FILIP1: variants seen among roughly 807,000 people sequenced by gnomAD.
FILIP1 encodes the protein filamin A interacting protein 1, also known as filamin-A-interacting protein 1.
In FILIP1, 61 loss-of-function variants were observed where a neutral mutation model predicts 102.1. The observed-to-expected ratio is 0.60, with a 90% CI of 0.49 to 0.74. The LOEUF (loss-of-function observed/expected upper bound fraction) is 0.74. Ranked by LOEUF, FILIP1 falls within the 30% of genes least tolerant of loss-of-function variation. FILIP1 has a pLI of 0.00. For synonymous variants in FILIP1, 491 were observed against 526.9 expected (o/e 0.93, Z 0.93); for missense variants, 1,314 against 1,441.2 (o/e 0.91, Z 1.43).
At chr6:75,327,549 A>AAT (rs943427181) in intron 4 of FILIP1, among the ~76,000 whole-genome samples, 12 of 142,716 alleles carry the variant, frequency 8.4e-5, no homozygotes, top group East Asian at 4.0e-4. Flanking sequence ...TATATATATG[A>AAT]ATATATATAT....
chr6:75,303,773 AAGAG>A (rs1272381591), downstream of FILIP1, among the ~76,000 whole-genome samples: 4 of 149,476 alleles, frequency 2.7e-5, no homozygotes, highest in East Asian at 2.0e-4. Flanking sequence ...GAGAGAGAGA[AAGAG>A]AGAGAGAGGA....
chr6:75,425,754 C>T (rs993787503), intron 1 of FILIP1, among the ~76,000 whole-genome samples: 6 of 152,246 alleles, frequency 3.9e-5, no homozygotes, highest in African/African-American at 1.4e-4. Context: ...ATGTGCTACC[C>T]ACTGTGTATG....
intron 1 of FILIP1, among the ~76,000 whole-genome samples, chr6:75,486,638 T>G (rs1779796553): frequency 6.6e-6 from 1 of 152,136 alleles, no homozygotes; most frequent in African/African-American, 2.4e-5. Flanking sequence ...TTGCCTGGAT[T>G]TGGATTTTAA....
At chr6:75,341,161 T>G (rs1341310676) in intron 4 of FILIP1, among the ~76,000 whole-genome samples, 2 of 151,818 alleles carry the variant, frequency 1.3e-5, no homozygotes, top group African/African-American at 2.4e-5. Flanking sequence ...TGTTTTGTTT[T>G]TTTTTTTTGG....
chr6:75,295,977 T>C, intron 6 of FILIP1: 2 of 1,406,858 alleles, frequency 1.4e-6, no homozygotes, highest in Non-Finnish European at 9.2e-7. Context: ...GACATGGCAT[T>C]TTCAATTAAA....
At chr6:75,465,558 GT>G in intron 1 of FILIP1, 1 of 525,986 alleles carries the variant, frequency 1.9e-6, no homozygotes, top group Non-Finnish European at 3.3e-6. Context: ...CTGAAGGACA[GT>G]TTCACAGCAA....
rs75516522 is a variant in FILIP1 at position 75,316,606 on chromosome 6, T to C, written c.630-1404A>G. Among the ~76,000 whole-genome samples the C allele has an allele frequency of 8.8e-3, 1,334 of 152,294 alleles. 15 individuals carry two copies. The highest frequency in any genetic ancestry group is 9.2e-3 in the Non-Finnish European group (627 of 67,992). On this transcript the variant is annotated intron_variant, in intron 4 of 5. Transcript: ENST00000237172. ...AATTAAATACAGTGTGAGATAAGTA[T>C]TACAGAAATGGCTCTGATCATGTCG...
At chr6:75,320,149 A>G (rs974049302) in intron 4 of FILIP1, among the ~76,000 whole-genome samples, 1 of 152,206 alleles carries the variant, frequency 6.6e-6, no homozygotes, top group African/African-American at 2.4e-5. Context: ...GGTAGCTGCC[A>G]TGTTTGTCTT....
chr6:75,376,889 A>C (rs1389731120), intron 2 of FILIP1, among the ~76,000 whole-genome samples: 2 of 152,172 alleles, frequency 1.3e-5, no homozygotes, highest in Admixed American at 6.5e-5. Context: ...TCCCTAATTC[A>C]AAAATTTGGA....
intron 1 of FILIP1, among the ~76,000 whole-genome samples, chr6:75,470,898 C>A (rs776909259): frequency 6.6e-6 from 1 of 151,970 alleles, no homozygotes; most frequent in Non-Finnish European, 1.5e-5. Context: ...AGGTGGCTCA[C>A]GTCTGTAATC....
At chr6:75,466,274 T>C (rs1273612361) in intron 1 of FILIP1, among the ~76,000 whole-genome samples, 2 of 152,242 alleles carry the variant, frequency 1.3e-5, no homozygotes, top group East Asian at 3.8e-4. Context: ...GCTTATTATT[T>C]ACAATATTTA....
Position 75,314,586 on chromosome 6 carries a change from G to T in FILIP1, c.1246C>A (p.His416Asn), listed in dbSNP as rs1040617206. The T allele has an allele frequency of 2.5e-6, 4 of 1,613,852 alleles. No homozygotes were observed. The highest frequency in any genetic ancestry group is 1.7e-5 in the Admixed American group (1 of 59,988). Residue 416 changes from histidine to asparagine, a missense_variant, in exon 5 of 6, where the codon CAC (histidine) becomes AAC (asparagine). This residue lies in a region of FILIP1 where 494 missense variants were observed against 511.2 expected (regional missense o/e 0.97). Coordinates refer to ENST00000237172, the MANE Select transcript of FILIP1 (RefSeq NM_015687.5). ...TCAAGTCTGAGCTCCTTACTATGGTGTTCTTCCTCTTGCAGCTTCTTCCTC... is the reference window on the plus strand; with the variant it reads ...TCAAGTCTGAGCTCCTTACTATGGTTTTCTTCCTCTTGCAGCTTCTTCCTC... Reference protein sequence around the residue: ...ELRKKLQEEEHHSKELRLEVE... With the variant: ...ELRKKLQEEENHSKELRLEVE...
At chr6:75,425,372 C>A (rs1484161405) in intron 1 of FILIP1, among the ~76,000 whole-genome samples, 5 of 152,086 alleles carry the variant, frequency 3.3e-5, no homozygotes, top group Non-Finnish European at 5.9e-5. Flanking sequence ...AATGTCATGC[C>A]ACAATGCAGA....
intron 1 of FILIP1, among the ~76,000 whole-genome samples, chr6:75,439,967 T>C (rs1456755818): frequency 6.6e-6 from 1 of 152,218 alleles, no homozygotes; most frequent in Non-Finnish European, 1.5e-5. Flanking sequence ...CTACCTCACC[T>C]CAATAAAAAA....
At chr6:75,402,450 G>A (rs920510846) in intron 2 of FILIP1, among the ~76,000 whole-genome samples, 4 of 152,132 alleles carry the variant, frequency 2.6e-5, no homozygotes, top group Non-Finnish European at 5.9e-5. Flanking sequence ...CTCGCTCAGG[G>A]TGACCTCAGC....
chr6:75,309,420 C>T (rs1210909321), intron 5 of FILIP1, among the ~76,000 whole-genome samples: 1 of 152,204 alleles, frequency 6.6e-6, no homozygotes. Context: ...ATTCACCTCT[C>T]ATATCTGATG....
Position 75,314,285 on chromosome 6 carries a change from A to G in FILIP1, c.1547T>C (p.Met516Thr). Residue 516 changes from methionine (M) to threonine (T), a missense_variant, in exon 5 of 6, where the codon ATG becomes ACG. By Grantham distance (81) the Met-to-Thr change is moderately conservative (BLOSUM62 -1). Coordinates refer to ENST00000237172, the MANE Select transcript of FILIP1 (RefSeq NM_015687.5). ...VMLVDERKNM[M>T]EKIKQEERKV... ...TCTCTCTTCTTGTTTTATTTTTTCC[A>G]TCATATTTTTCCTTTCATCAACCAG... is the stretch of plus-strand genomic sequence containing the variant. 6.5e-7 allele frequency: 1 copy of G among 1,536,710 alleles called. No homozygotes were observed. The highest frequency in any genetic ancestry group is 8.7e-7 in the Non-Finnish European group (1 of 1,154,146).
In FILIP1 at chr6:75,414,778, ACATT is replaced by A; in HGVS notation, c.191_194del (p.Glu64ValfsTer22). 1 of 1,613,850 alleles carries A rather than the reference ACATT, an allele frequency of 6.2e-7. No homozygotes were observed. The highest frequency in any genetic ancestry group is 8.5e-7 in the Non-Finnish European group (1 of 1,179,808). ...CCAGGGATTTCTTAGTTTTTCGTTC[ACATT>A]CTCCAGATGTTTTTAGGTGTCGTTT... is the stretch of plus-strand genomic sequence containing the variant. On this transcript the variant is annotated frameshift_variant, in exon 2 of 6. Transcript: ENST00000237172. LOFTEE classifies it high-confidence loss of function.
chr6:75,313,817 T>C lies in FILIP1; in HGVS notation c.2015A>G (p.Asp672Gly), dbSNP rs1773310129. ...TTGTTGAGAGAGGAAGTTAGCCTTATCCTGCTCAGTTCTAAATTTCTGTTC... is the reference window on the plus strand; with the variant it reads ...TTGTTGAGAGAGGAAGTTAGCCTTACCCTGCTCAGTTCTAAATTTCTGTTC... ...QLEQKFRTEQDKANFLSQQLE... is the reference protein window; with the variant it reads ...QLEQKFRTEQGKANFLSQQLE... Residue 672 changes from aspartate (D) to glycine (G), a missense_variant, in exon 5 of 6, where the codon GAT (aspartate) becomes GGT (glycine). Around this residue, in one of 3 missense-constraint regions of FILIP1, gnomAD observed 816 missense variants for 913.1 expected, o/e 0.89. Transcript: ENST00000237172. The surrounding 1 kb of genome is among the most constrained non-coding windows in gnomAD (Gnocchi z 4.2). The C allele has an allele frequency of 1.2e-6, 2 of 1,613,660 alleles. No homozygotes were observed. The highest frequency in any genetic ancestry group is 2.2e-5 in the South Asian group (2 of 91,002).
Sources: allele counts gnomAD v4.1 joint callset (sites outside exome capture counted in the v4.1 genomes callset), GRCh38; gene constraint gnomAD v4.1.1; regional missense constraint gnomAD v4.1.1; non-coding constraint Gnocchi (gnomAD v3.1); transcripts MANE v1.5; gene names NCBI Gene and HGNC (gene_info 2026-07-23, HGNC 2026-07-21).